Variants in EPHA10 observed in about 807,000 individuals in gnomAD.
EPHA10 encodes the protein ephrin type-A receptor 10.
In EPHA10, 120 loss-of-function variants were observed where a neutral mutation model predicts 109.7. That is an observed-to-expected ratio of 1.09 (90% CI 0.94 to 1.27). EPHA10 has a LOEUF of 1.27. EPHA10 is among the 50% of genes most tolerant of loss of function. EPHA10 has a pLI of 0.00. For missense variants in EPHA10, 1,396 were observed against 1,411.1 expected (o/e 0.99, Z 0.17); for synonymous variants, 640 against 618.9 (o/e 1.03, Z -0.51).
At chr1:37,749,585 GTCGCT>G (rs1316518656) in intron 5 of EPHA10, among the ~76,000 whole-genome samples, 3 of 151,608 alleles carry the variant, frequency 2.0e-5, no homozygotes, top group Non-Finnish European at 2.9e-5. Context: ...AGGCAGGAGA[GTCGCT>G]TCAACCCAGG....
intron 3 of EPHA10, among the ~76,000 whole-genome samples, chr1:37,755,044 C>A (rs556000650): frequency 6.6e-6 from 1 of 152,228 alleles, no homozygotes; most frequent in South Asian, 2.1e-4. Context: ...AAGTGATCTG[C>A]CCAGCTTGGT....
Position 37,719,442 on chromosome 1 carries a change from G to T in EPHA10, c.2728C>A (p.Pro910Thr). 6.2e-7 allele frequency: 1 copy of T among 1,613,592 alleles called. No homozygotes were observed. The highest frequency in any genetic ancestry group is 1.1e-5 in the South Asian group (1 of 91,004). Residue 910 changes from proline (P) to threonine (T), a missense_variant, in exon 15 of 17, where the codon CCC (proline) becomes ACC (threonine). Pro to Thr is a conservative substitution (Grantham distance 38, BLOSUM62 -1). Coordinates refer to ENST00000373048, the MANE Select transcript of EPHA10 (RefSeq NM_001099439.2). ...GGACAGGTAGTCAGGGCACACTTGG[G>T]GGGCTCTGGGTCCTGCACCATCTTG... The part of the protein sequence containing the change: ...LSKMVQDPEP[P>T]KCALTTCPRP...
chr1:37,726,847 T>C (rs1645899651), intron 8 of EPHA10, among the ~76,000 whole-genome samples: 2 of 152,328 alleles, frequency 1.3e-5, no homozygotes, highest in South Asian at 4.1e-4. Flanking sequence ...CAGTGATGCC[T>C]TCTGACATTT....
At chr1:37,745,912 C>T (rs1646233398) in intron 5 of EPHA10, among the ~76,000 whole-genome samples, 1 of 151,996 alleles carries the variant, frequency 6.6e-6, no homozygotes, top group Non-Finnish European at 1.5e-5. Flanking sequence ...GCTTTCATAA[C>T]AAAAATTTAT....
At chr1:37,726,056 C>A (rs1207405968) in intron 8 of EPHA10, among the ~76,000 whole-genome samples, 2 of 152,216 alleles carry the variant, frequency 1.3e-5, no homozygotes, top group African/African-American at 4.8e-5. Context: ...GTGCACCTGT[C>A]CCTGGGGCGC....
In EPHA10 at chr1:37,721,722, G is replaced by C; in HGVS notation, c.2084C>G (p.Ala695Gly). The change falls in exon 11 of 17, where the codon GCC becomes GGC. Residue 695 changes from alanine to glycine, a missense_variant. Coordinates refer to ENST00000373048, the MANE Select transcript of EPHA10 (RefSeq NM_001099439.2). ...DSQRLGFLAE[A>G]LTLGQFDHSH... ...ATGGTCAAACTGGCCCAGCGTGAGG[G>C]CCTCGGCCAGGAAGCCGAGCCTCTG... 1 of 1,612,416 alleles carries C rather than the reference G, an allele frequency of 6.2e-7. No homozygotes were observed. The highest frequency in any genetic ancestry group is 8.5e-7 in the Non-Finnish European group (1 of 1,179,852).
chr1:37,719,045 C>A (rs572520130), intron 15 of EPHA10: 1 of 625,766 alleles, frequency 1.6e-6, no homozygotes. Context: ...TTGGCGTATC[C>A]GGAACAGTCT....
chr1:37,718,930 C>T, intron 15 of EPHA10, 114 bp from the exon 16 acceptor site: 11 of 1,381,442 alleles, frequency 8.0e-6, no homozygotes, highest in Non-Finnish European at 1.1e-5. Context: ...GGTAACCGGG[C>T]CCCAGGGCTG....
At chr1:37,740,938 A>G (rs1450756805) in intron 5 of EPHA10, among the ~76,000 whole-genome samples, 2 of 152,226 alleles carry the variant, frequency 1.3e-5, no homozygotes, top group Non-Finnish European at 2.9e-5. Context: ...AGACACGCCA[A>G]CAATTAAGAA....
At chr1:37,761,135 A>C in intron 3 of EPHA10, 1 of 1,283,806 alleles carries the variant, frequency 7.8e-7, no homozygotes, top group South Asian at 2.9e-5. Context: ...ATGAAAATAA[A>C]TAAACGAGAA....
At chr1:37,757,833 T>C (rs1240745468) in intron 3 of EPHA10, among the ~76,000 whole-genome samples, 1 of 152,144 alleles carries the variant, frequency 6.6e-6, no homozygotes. Context: ...ACAGATGCCC[T>C]CCCTCCCACC....
In EPHA10 at chr1:37,718,481, AG is replaced by A; in HGVS notation, c.2917del (p.Leu973TrpfsTer2). 2 of 1,613,424 alleles carry A rather than the reference AG, an allele frequency of 1.2e-6. No individual in the cohort carries two copies. The highest frequency in any genetic ancestry group is 1.7e-6 in the Non-Finnish European group (2 of 1,180,006). On this transcript the variant is annotated frameshift_variant, in exon 17 of 17. Transcript: ENST00000373048. LOFTEE classifies it high-confidence loss of function. ...AGCCAAAGAGATGCCTAGGCTCACC[AG>A]GTCCCTGAAACAAAGGCTGGTCACA... ...EAVAEMTAQD[L>X]VSLGISLAEH...
In EPHA10 at chr1:37,753,020, G is replaced by C; in HGVS notation, c.1213C>G (p.Leu405Val). ...RVAFLPRQAG[L>V]RERAATLLHL... ...AGCAGCGTGGCGGCTCGCTCCCGCA[G>C]CCCTGCCTGGCGCGGTAGGAAGGCC... The change falls in exon 5 of 17, where the codon CTG (leucine) becomes GTG (valine). Residue 405 changes from leucine to valine, a missense_variant. Transcript: ENST00000373048. 2.4e-6 allele frequency: 3 copies of C among 1,231,562 alleles called. No homozygotes were observed. Among genetic ancestry groups the C allele is most frequent in the Non-Finnish European group, 3.0e-6 (3 of 988,680 alleles). The allele number at this position is 1,231,562 out of a possible 1,614,324, so 76.3% of individuals were successfully genotyped here. A position where few individuals can be genotyped will look rare whatever the true frequency, so the allele number is the denominator to read the frequency against.
chr1:37,740,101 A>G (rs1455904934), intron 5 of EPHA10, among the ~76,000 whole-genome samples: 1 of 152,094 alleles, frequency 6.6e-6, no homozygotes, highest in Non-Finnish European at 1.5e-5. Context: ...ATAAAAATAA[A>G]GGAAAAAAAT....
At chr1:37,730,155 C>T (rs1287406846) in intron 7 of EPHA10, among the ~76,000 whole-genome samples, 2 of 152,148 alleles carry the variant, frequency 1.3e-5, no homozygotes, top group African/African-American at 4.8e-5. Flanking sequence ...TTCAAATGAT[C>T]CCCAGCTATA....
chr1:37,714,364 T>C (rs1645662804), downstream of EPHA10, among the ~76,000 whole-genome samples: 1 of 152,224 alleles, frequency 6.6e-6, no homozygotes, highest in Non-Finnish European at 1.5e-5. Flanking sequence ...AGTACATATG[T>C]GTTCACATGC....
rs502776 is a variant in EPHA10 at position 37,716,492 on chromosome 1, T to A, written c.*1880A>T. 60,096 of 232,326 alleles carry A rather than the reference T, an allele frequency of 0.26. 8,637 individuals are homozygous for A. Among genetic ancestry groups the A allele is most frequent in the African/African-American group, 0.37 (16,630 of 45,236 alleles). 14.4% of individuals were successfully genotyped at this position (232,326 alleles called of 1,614,324 possible). A position where few individuals can be genotyped will look rare whatever the true frequency, so the allele number is the denominator to read the frequency against. On this transcript the variant is annotated 3_prime_UTR_variant, in exon 17 of 17. Coordinates refer to ENST00000373048, the MANE Select transcript of EPHA10 (RefSeq NM_001099439.2). ...CCCTGACTAAGGTGGTAGCAACATC[T>A]TGGTCTCCCCAGTACCCCCAGAGTC...
At chr1:37,720,637 C>T (rs1030081802) in intron 12 of EPHA10, 83 bp from the exon 13 acceptor site, 4 of 1,536,720 alleles carry the variant, frequency 2.6e-6, no homozygotes, top group African/African-American at 1.4e-5. Flanking sequence ...ACCTAGCTCT[C>T]GCCAGGCTTT....
downstream of EPHA10, chr1:37,715,764 A>G: frequency 2.4e-6 from 1 of 412,146 alleles, no homozygotes; most frequent in Non-Finnish European, 4.7e-6. Context: ...CTACATACCC[A>G]GGGCACCCAG....
Sources: allele counts gnomAD v4.1 joint callset (sites outside exome capture counted in the v4.1 genomes callset), GRCh38; gene constraint gnomAD v4.1.1; transcripts MANE v1.5; gene names NCBI Gene and HGNC (gene_info 2026-07-23, HGNC 2026-07-21).